The following KCNH8 variants were observed in gnomAD, a reference collection of about 807,000 sequenced individuals.
KCNH8 encodes the protein potassium voltage-gated channel subfamily H member 8, also known as voltage-gated delayed rectifier potassium channel KCNH8.
Under a neutral mutation model 103.6 loss-of-function variants are expected in KCNH8, and 70 were observed. The observed-to-expected ratio is 0.68, with a 90% confidence interval of 0.56 to 0.82. KCNH8 has a LOEUF of 0.82. Ranked by LOEUF, KCNH8 falls within the 40% of genes least tolerant of loss-of-function variation. The probability of loss-of-function intolerance (pLI) is 0.00; values close to 1 mark genes in which losing one functional copy is unlikely to be tolerated. For missense variants in KCNH8, 1,217 were observed against 1,329.9 expected, an observed-to-expected ratio of 0.92 and a Z score of 1.32; for synonymous variants, 498 against 489.4, an observed-to-expected ratio of 1.02 and a Z score of -0.23.
chr3:19,214,666 G>C (rs1387536108), intron 1 of KCNH8, among the ~76,000 whole-genome samples: 2 of 152,208 alleles, frequency 1.3e-5, no homozygotes, highest in African/African-American at 4.8e-5. Flanking sequence ...TTTCCTGAGA[G>C]TATTCCCTCA....
intron 2 of KCNH8, among the ~76,000 whole-genome samples, chr3:19,264,367 TTCTTTTCG>T (rs1212526506): frequency 6.6e-6 from 1 of 152,130 alleles, no homozygotes; most frequent in African/African-American, 2.4e-5. Context: ...CTTTCTTTTC[TTCTTTTCG>T]TCTATCTGAA....
At chr3:19,416,996 C>T (rs1173527362) in intron 7 of KCNH8, among the ~76,000 whole-genome samples, 1 of 151,942 alleles carries the variant, frequency 6.6e-6, no homozygotes, top group Non-Finnish European at 1.5e-5. Context: ...TGCCTTGCAA[C>T]CGCATGAAAC....
chr3:19,354,330 T>C (rs935192341), intron 5 of KCNH8, among the ~76,000 whole-genome samples: 7 of 152,198 alleles, frequency 4.6e-5, no homozygotes, highest in African/African-American at 9.6e-5. Flanking sequence ...GACTCAATGC[T>C]ATCCCCATCA....
At chr3:19,282,253 C>T (rs2064766633) in intron 3 of KCNH8, among the ~76,000 whole-genome samples, 1 of 152,064 alleles carries the variant, frequency 6.6e-6, no homozygotes, top group Non-Finnish European at 1.5e-5. Flanking sequence ...GAAAGCCTTG[C>T]AAATGCATGT....
intron 3 of KCNH8, among the ~76,000 whole-genome samples, chr3:19,308,761 CCTCTCTCCCTCCCTCTCTCTCT>C (rs2065170600): frequency 6.5e-5 from 2 of 31,004 alleles, no homozygotes. Context: ...TCCCTCTCTC[CCTCTCTCCCTCCCTCTCTCTCT>C]CTCCCTCTCT....
At position 19,178,204 on chromosome 3, in the gene KCNH8, A is replaced by T. The variant is rs112199255; in HGVS notation, c.76+29409A>T. 2.8e-3 allele frequency among the ~76,000 whole-genome samples: 426 copies of T among 152,236 alleles called. 1 individual carries two copies. The highest frequency in any genetic ancestry group is 1.0e-2 in the South Asian group (48 of 4,824). ...AAAAAAAAAATTACTTATTTGTATT[A>T]TATTTTATACCTGGAGATTTTTTTA... On this transcript the variant is annotated intron_variant, in intron 1 of 15. Coordinates refer to ENST00000328405, the MANE Select transcript of KCNH8 (RefSeq NM_144633.3).
At chr3:19,387,817 T>C in intron 5 of KCNH8, among the ~76,000 whole-genome samples, 1 of 152,294 alleles carries the variant, frequency 6.6e-6, no homozygotes, top group Middle Eastern at 3.4e-3. Flanking sequence ...TTACTTCTTT[T>C]TAAACCTAAA....
intron 11 of KCNH8, among the ~76,000 whole-genome samples, chr3:19,469,711 C>T (rs529648797): frequency 3.9e-5 from 6 of 152,126 alleles, no homozygotes; most frequent in East Asian, 1.9e-4. Flanking sequence ...TAGCATCTCC[C>T]GAGCCTAGTT....
intron 11 of KCNH8, among the ~76,000 whole-genome samples, chr3:19,498,478 G>A (rs1045903776): frequency 1.3e-5 from 2 of 152,024 alleles, no homozygotes; most frequent in Non-Finnish European, 2.9e-5. Flanking sequence ...GTCTCAAAAG[G>A]ATCTTATTTC....
intron 7 of KCNH8, among the ~76,000 whole-genome samples, chr3:19,415,000 T>C (rs116021488): frequency 0.012 from 1,869 of 152,156 alleles, 37 homozygotes; most frequent in African/African-American, 0.042. Flanking sequence ...CCTTCAGTTC[T>C]CACTTGCTCC....
intron 1 of KCNH8, among the ~76,000 whole-genome samples, chr3:19,179,031 A>G (rs2063426935): frequency 6.6e-6 from 1 of 152,042 alleles, no homozygotes; most frequent in South Asian, 2.1e-4. Flanking sequence ...GATAAATATG[A>G]GATATATTGT....
At chr3:19,372,180 T>A (rs1350113060) in intron 5 of KCNH8, among the ~76,000 whole-genome samples, 1 of 152,190 alleles carries the variant, frequency 6.6e-6, no homozygotes, top group Non-Finnish European at 1.5e-5. Context: ...TGGATGGCAC[T>A]GAATCTATAA....
intron 2 of KCNH8, among the ~76,000 whole-genome samples, chr3:19,274,009 A>G (rs929613710): frequency 6.6e-6 from 1 of 152,114 alleles, no homozygotes; most frequent in African/African-American, 2.4e-5. Flanking sequence ...TAGAGCATGT[A>G]TATAATCGTG....
At chr3:19,375,469 G>A (rs1158817633) in intron 5 of KCNH8, among the ~76,000 whole-genome samples, 1 of 150,500 alleles carries the variant, frequency 6.6e-6, no homozygotes, top group African/African-American at 2.5e-5. Flanking sequence ...GCTCCTTTAA[G>A]CACTTCTCTG....
chr3:19,227,549 T>G (rs753589737), intron 1 of KCNH8, among the ~76,000 whole-genome samples: 5 of 152,192 alleles, frequency 3.3e-5, no homozygotes, highest in Non-Finnish European at 7.4e-5. Flanking sequence ...AGAAGGAGTA[T>G]ACACACGCAG....
intron 1 of KCNH8, among the ~76,000 whole-genome samples, chr3:19,190,709 C>T (rs1039975784): frequency 2.6e-5 from 4 of 151,836 alleles, no homozygotes; most frequent in African/African-American, 7.2e-5. Flanking sequence ...GCAACAAGTG[C>T]GATTGATAAT....
At chr3:19,330,410 A>G (rs776205513) in intron 3 of KCNH8, among the ~76,000 whole-genome samples, 1 of 152,222 alleles carries the variant, frequency 6.6e-6, no homozygotes, top group Non-Finnish European at 1.5e-5. Flanking sequence ...GAAATTGTTC[A>G]TATGAGCTTG....
At chr3:19,293,619 A>T (rs1425047061) in intron 3 of KCNH8, among the ~76,000 whole-genome samples, 1 of 152,180 alleles carries the variant, frequency 6.6e-6, no homozygotes, top group Non-Finnish European at 1.5e-5. Flanking sequence ...AACCATCCAG[A>T]TTAAGCTAAT....
chr3:19,267,980 A>T (rs1559451087), intron 2 of KCNH8, among the ~76,000 whole-genome samples: 1 of 152,128 alleles, frequency 6.6e-6, no homozygotes, highest in East Asian at 1.9e-4. Context: ...GTAAGTGTTA[A>T]CTGTCACTCT....
Sources: gnomAD v4.1 joint callset for allele counts (sites outside exome capture counted in the v4.1 genomes callset) on GRCh38, gnomAD v4.1.1 for gene constraint, MANE v1.5 for transcripts, NCBI Gene and HGNC (gene_info 2026-07-23, HGNC 2026-07-21) for gene names.